The following CCDC144A variants were observed in gnomAD, a reference collection of about 807,000 sequenced individuals.
The protein encoded by CCDC144A is coiled-coil domain containing 144A.
In CCDC144A, 41 loss-of-function variants were observed where a neutral mutation model predicts 143.8. The observed-to-expected ratio is 0.29, with a 90% CI of 0.22 to 0.37. The LOEUF (loss-of-function observed/expected upper bound fraction) is 0.37. Among genes scored for constraint, CCDC144A ranks in the 10% least tolerant of loss-of-function variants. The pLI, the probability that CCDC144A is intolerant of heterozygous loss-of-function variation, is 1.00. For missense variants in CCDC144A, 637 were observed against 1,488.8 expected (o/e 0.43, Z 9.41); for synonymous variants, 242 against 517.9 (o/e 0.47, Z 7.23).
At chr17:16,714,494 C>G (rs955205486) in intron 6 of CCDC144A, among the ~76,000 whole-genome samples, 1 of 152,128 alleles carries the variant, frequency 6.6e-6, no homozygotes, top group African/African-American at 2.4e-5. Context: ...GTCATTGACT[C>G]CCCTCTCTCT....
intron 2 of CCDC144A, among the ~76,000 whole-genome samples, chr17:16,697,971 C>T (rs540818754): frequency 5.3e-4 from 81 of 152,268 alleles, no homozygotes; most frequent in African/African-American, 1.8e-3. Flanking sequence ...AGCAGGTCAG[C>T]AGTCACGACT....
chr17:16,708,361 T>G (rs1248790160), intron 4 of CCDC144A, among the ~76,000 whole-genome samples: 1 of 152,176 alleles, frequency 6.6e-6, no homozygotes. Context: ...GGAACTTACA[T>G]GTAGTAATAT....
the CCDC144A span, among the ~76,000 whole-genome samples, chr17:16,681,044 T>C: frequency 2.0e-5 from 3 of 152,184 alleles, no homozygotes; most frequent in South Asian, 6.3e-4. Context: ...TTAATGAAGT[T>C]GCATATATAT....
At chr17:16,711,148 A>C (rs1320929449) in intron 5 of CCDC144A, among the ~76,000 whole-genome samples, 4 of 140,788 alleles carry the variant, frequency 2.8e-5, no homozygotes, top group Admixed American at 7.3e-5. Context: ...AAAAAAAAAA[A>C]AAAAAAAAAA....
chr17:16,708,663 T>C, intron 4 of CCDC144A, 133 bp from the exon 5 acceptor site: 2 of 854,768 alleles, frequency 2.3e-6, no homozygotes, highest in Non-Finnish European at 1.9e-6. Context: ...ATTTTCATTT[T>C]AATTATTTGT....
At chr17:16,702,200 A>G (rs1911773208) in intron 2 of CCDC144A, among the ~76,000 whole-genome samples, 1 of 152,122 alleles carries the variant, frequency 6.6e-6, no homozygotes, top group African/African-American at 2.4e-5. Context: ...AGTTCTGTTC[A>G]TATATATTTT....
At chr17:16,692,041 G>C (rs1911119050) in intron 1 of CCDC144A, 1 of 151,904 alleles carries the variant, frequency 6.6e-6, no homozygotes, top group Non-Finnish European at 1.5e-5. Context: ...GTGATCAATG[G>C]AGCTGAGTAA....
Position 16,737,495 on chromosome 17 carries a change from A to T in CCDC144A, c.3372+1852A>T, listed in dbSNP as rs1404085168. Reference sequence around the variant, plus strand: ...TTAAATCTTACTACCATAATTTAATAATAAGGTGATTTATAAATCAGTAAC... The same window carrying T: ...TTAAATCTTACTACCATAATTTAATTATAAGGTGATTTATAAATCAGTAAC... On this transcript the variant is annotated intron_variant, in intron 12 of 16. Coordinates refer to ENST00000399273, the MANE Select transcript of CCDC144A (RefSeq NM_001382000.1). 4 of 1,264,162 alleles carry T rather than the reference A, an allele frequency of 3.2e-6. 1 individual carries two copies. The highest frequency in any genetic ancestry group is 4.1e-6 in the Non-Finnish European group (4 of 969,462). The allele number at this position is 1,264,162 out of a possible 1,614,324, so 78.3% of individuals were successfully genotyped here.
intron 14 of CCDC144A, among the ~76,000 whole-genome samples, chr17:16,763,256 T>C (rs1389235597): frequency 2.0e-5 from 3 of 152,044 alleles, no homozygotes. Flanking sequence ...CTGATTGTCC[T>C]CGATGCTGCT....
chr17:16,769,514 T>C (rs1381993687), intron 15 of CCDC144A, among the ~76,000 whole-genome samples: 2 of 152,220 alleles, frequency 1.3e-5, no homozygotes, highest in African/African-American at 4.8e-5. Context: ...ACAACATGGA[T>C]AATTGACTTG....
In CCDC144A at chr17:16,711,755, G is replaced by C; in HGVS notation, c.1655G>C (p.Gly552Ala). 1 of 1,600,368 alleles carries C rather than the reference G, an allele frequency of 6.2e-7. No individual in the cohort carries two copies. The highest frequency in any genetic ancestry group is 8.5e-7 in the Non-Finnish European group (1 of 1,172,694). ...ACCCTAACTGATGGTACTACTGTTG[G>C]CAATGATGATGATGGACTAAATCAG... The part of the protein sequence containing the change: ...SGTLTDGTTV[G>A]NDDDGLNQQI... The change falls in exon 6 of 17, where the codon GGC (glycine) becomes GCC (alanine). Residue 552 changes from glycine (G) to alanine (A), a missense_variant. By Grantham distance (60) the Gly-to-Ala change is moderately conservative. Coordinates refer to ENST00000399273, the MANE Select transcript of CCDC144A (RefSeq NM_001382000.1).
At chr17:16,709,765 C>T in intron 5 of CCDC144A, 130 bp downstream of exon 5, 2 of 1,356,522 alleles carry the variant, frequency 1.5e-6, no homozygotes, top group Non-Finnish European at 2.0e-6. Context: ...TGTGTAGAAA[C>T]AGATGATTTC....
At chr17:16,698,894 G>A (rs1171244165) in intron 2 of CCDC144A, among the ~76,000 whole-genome samples, 1 of 152,176 alleles carries the variant, frequency 6.6e-6, no homozygotes. Context: ...AATATAAAGC[G>A]AAATGCTGAA....
At chr17:16,703,809 C>T (rs1349777784) in intron 2 of CCDC144A, among the ~76,000 whole-genome samples, 5 of 151,910 alleles carry the variant, frequency 3.3e-5, no homozygotes, top group African/African-American at 1.2e-4. Context: ...TCTCAAAAAA[C>T]AAACAAACGA....
chr17:16,726,380 CAAAA>C (rs1172386875), intron 8 of CCDC144A, among the ~76,000 whole-genome samples: 5 of 69,838 alleles, frequency 7.2e-5, no homozygotes, highest in East Asian at 4.3e-4. Context: ...GACTCCGTCT[CAAAA>C]AAAAAAAAAA....
At chr17:16,685,137 A>G (rs12945823), upstream of CCDC144A, among the ~76,000 whole-genome samples, 3,913 of 151,280 alleles carry the variant, frequency 0.026, 160 homozygotes, top group African/African-American at 0.091. Flanking sequence ...AGTGATTCTC[A>G]TGCCTCAGCC....
the CCDC144A span, among the ~76,000 whole-genome samples, chr17:16,682,883 G>GGTTTTTTTTTTTT: frequency 2.2e-5 from 1 of 46,432 alleles, no homozygotes; most frequent in Non-Finnish European, 5.1e-5. Context: ...TGGATTCTCT[G>GGTTTTTTTTTTTT]TTTTTTTTTT....
chr17:16,733,637 A>G (rs1462691209), intron 11 of CCDC144A, among the ~76,000 whole-genome samples: 3 of 151,106 alleles, frequency 2.0e-5, no homozygotes, highest in Non-Finnish European at 4.4e-5. Context: ...TTTCTAAGAA[A>G]AGCTCTGTAA....
chr17:16,729,470 G>A (rs1852344850), intron 9 of CCDC144A, among the ~76,000 whole-genome samples: 1 of 152,070 alleles, frequency 6.6e-6, no homozygotes. Flanking sequence ...TTTGTCCTTT[G>A]TCAGATGCAT....
Sources: allele counts gnomAD v4.1 joint callset (sites outside exome capture counted in the v4.1 genomes callset), GRCh38; gene constraint gnomAD v4.1.1; transcripts MANE v1.5; gene names NCBI Gene and HGNC (gene_info 2026-07-23, HGNC 2026-07-21).